CCDC181: variants seen among roughly 807,000 people sequenced by gnomAD.
CCDC181 encodes the protein coiled-coil domain-containing protein 181.
CCDC181 carries 35 observed loss-of-function variants against 58.7 expected under a neutral mutation model. That is an observed-to-expected ratio of 0.60 (90% CI 0.46 to 0.79). CCDC181 has a LOEUF of 0.79. Ranked by LOEUF, CCDC181 falls within the 30% of genes least tolerant of loss-of-function variation. The pLI is 0.00. For synonymous variants in CCDC181, 183 were observed against 197.5 expected (o/e 0.93, Z 0.62); for missense variants, 517 against 583.9 (o/e 0.89, Z 1.18).
At chr1:169,410,144 A>G (rs1048098134) in intron 4 of CCDC181, among the ~76,000 whole-genome samples, 1 of 151,734 alleles carries the variant, frequency 6.6e-6, no homozygotes, top group Non-Finnish European at 1.5e-5. Context: ...GACACATCTC[A>G]TATGCAGAGA....
chr1:169,414,659 A>T (rs1228263749), intron 4 of CCDC181, among the ~76,000 whole-genome samples: 1 of 152,210 alleles, frequency 6.6e-6, no homozygotes, highest in African/African-American at 2.4e-5. Context: ...TTTTCCTAAA[A>T]ATGGCAATAA....
upstream of CCDC181, among the ~76,000 whole-genome samples, chr1:169,430,807 T>C (rs1656899719): frequency 6.6e-6 from 1 of 152,224 alleles, no homozygotes; most frequent in African/African-American, 2.4e-5. Context: ...AGAATCTTCT[T>C]GGGTCCAAAT....
At chr1:169,449,083 A>G (rs1285618609) in intron 2 of CCDC181, among the ~76,000 whole-genome samples, 1 of 152,216 alleles carries the variant, frequency 6.6e-6, no homozygotes, top group Admixed American at 6.5e-5. Flanking sequence ...TTTTTCCACT[A>G]GAACCCTTAA....
chr1:169,424,667 C>A, intron 2 of CCDC181, 144 bp downstream of exon 2: 1 of 495,156 alleles, frequency 2.0e-6, no homozygotes, highest in Non-Finnish European at 3.6e-6. Flanking sequence ...TTTTTCTTAT[C>A]TTTAAGATGA....
chr1:169,400,916 A>G (rs2102043773), intron 4 of CCDC181, among the ~76,000 whole-genome samples: 1 of 152,324 alleles, frequency 6.6e-6, no homozygotes, highest in South Asian at 2.1e-4. Flanking sequence ...AAGCTATGAC[A>G]GATGGTACCT....
At chr1:169,424,550 T>C (rs1656631932) in intron 2 of CCDC181, among the ~76,000 whole-genome samples, 1 of 151,736 alleles carries the variant, frequency 6.6e-6, no homozygotes, top group African/African-American at 2.4e-5. Flanking sequence ...ATTTAAATTA[T>C]AATTTTATAA....
At chr1:169,408,584 C>T (rs1180794829) in intron 4 of CCDC181, among the ~76,000 whole-genome samples, 1 of 152,212 alleles carries the variant, frequency 6.6e-6, no homozygotes, top group Non-Finnish European at 1.5e-5. Flanking sequence ...GTCCCTAACC[C>T]CCGCGCCTCC....
At chr1:169,459,405 C>A (rs1351072597) in intron 2 of CCDC181, among the ~76,000 whole-genome samples, 3 of 152,120 alleles carry the variant, frequency 2.0e-5, no homozygotes, top group African/African-American at 4.8e-5. Context: ...TCTGGGAGCA[C>A]CTTAGCCCCG....
chr1:169,414,801 A>T (rs1656138041), intron 4 of CCDC181, among the ~76,000 whole-genome samples: 1 of 152,188 alleles, frequency 6.6e-6, no homozygotes, highest in Non-Finnish European at 1.5e-5. Context: ...AATCAACATA[A>T]TGCACTTATT....
At chr1:169,407,758 A>G (rs1281369818) in intron 4 of CCDC181, among the ~76,000 whole-genome samples, 1 of 152,170 alleles carries the variant, frequency 6.6e-6, no homozygotes, top group East Asian at 1.9e-4. Context: ...CTGGTTAGAC[A>G]GTGGGTGCAA....
chr1:169,406,305 C>T (rs992768626), intron 4 of CCDC181, among the ~76,000 whole-genome samples: 2 of 152,044 alleles, frequency 1.3e-5, no homozygotes, highest in African/African-American at 2.4e-5. Flanking sequence ...GGGTATATAC[C>T]CAAAGGATTA....
chr1:169,445,685 A>G (rs1341650487), intron 2 of CCDC181, among the ~76,000 whole-genome samples: 5 of 152,162 alleles, frequency 3.3e-5, no homozygotes, highest in African/African-American at 7.2e-5. Context: ...TCTATTTTCT[A>G]GAAGAGATTG....
chr1:169,416,776 C>A (rs181460703), intron 4 of CCDC181, among the ~76,000 whole-genome samples: 1 of 152,206 alleles, frequency 6.6e-6, no homozygotes, highest in African/African-American at 2.4e-5. Context: ...CATATTTCCT[C>A]TTTTAGTTTA....
chr1:169,455,546 A>G (rs1657658402), intron 2 of CCDC181, among the ~76,000 whole-genome samples: 1 of 152,114 alleles, frequency 6.6e-6, no homozygotes, highest in African/African-American at 2.4e-5. Flanking sequence ...AGTTTTCTTT[A>G]GGAGCAATTC....
At chr1:169,407,555 T>C (rs1655733512) in intron 4 of CCDC181, among the ~76,000 whole-genome samples, 2 of 152,070 alleles carry the variant, frequency 1.3e-5, no homozygotes, top group Admixed American at 1.3e-4. Flanking sequence ...GGATGAGTAA[T>C]TGAACAAATA....
chr1:169,428,976 G>A (rs143485541), upstream of CCDC181, among the ~76,000 whole-genome samples: 382 of 152,192 alleles, frequency 2.5e-3, 2 homozygotes, highest in African/African-American at 8.6e-3. Context: ...AGTCCCCAAA[G>A]TCCACTGTAT....
At position 169,421,367 on chromosome 1, in the gene CCDC181, CTT is replaced by C; in HGVS notation, c.1062_1063del (p.Glu356GlyfsTer17). The C allele has an allele frequency of 6.2e-7, 1 of 1,602,326 alleles. No homozygotes were observed. Among genetic ancestry groups the C allele is most frequent in the Non-Finnish European group, 8.5e-7 (1 of 1,175,544 alleles). On this transcript the variant is annotated frameshift_variant, in exon 3 of 6. Transcript: ENST00000367806. LOFTEE classifies it high-confidence loss of function. ...AATGCCCACTTAGGTTCTCACCTCT[CTT>C]TTCAGTTTTTCTCTCTTTTCTTCTA...
chr1:169,427,248 C>T (rs1656751529), intron 1 of CCDC181, 40 bp downstream of exon 1: 1 of 152,370 alleles, frequency 6.6e-6, no homozygotes, highest in Admixed American at 6.5e-5. Flanking sequence ...TTAACATCTC[C>T]GCATCGTCCT....
At chr1:169,398,968 G>A (rs1655201911) in intron 4 of CCDC181, among the ~76,000 whole-genome samples, 1 of 152,202 alleles carries the variant, frequency 6.6e-6, no homozygotes, top group South Asian at 2.1e-4. Context: ...GAGCTAAGAA[G>A]GGATTGTGTT....
Sources: allele counts gnomAD v4.1 joint callset (sites outside exome capture counted in the v4.1 genomes callset), GRCh38; gene constraint gnomAD v4.1.1; transcripts MANE v1.5; gene names NCBI Gene and HGNC (gene_info 2026-07-23, HGNC 2026-07-21).